NOX4: variants seen among roughly 807,000 people sequenced by gnomAD.
The protein encoded by NOX4 is kidney oxidase-1.
A neutral mutation model predicts 87.6 loss-of-function variants in NOX4; 69 were observed. The ratio of observed to expected loss-of-function variants is 0.79; its 90% confidence interval spans 0.65 to 0.96. NOX4 has a LOEUF of 0.96. Ranked by LOEUF, NOX4 falls within the 40% of genes least tolerant of loss-of-function variation. The probability of loss-of-function intolerance (pLI) is 0.00; values close to 1 mark genes in which losing one functional copy is unlikely to be tolerated. For missense variants in NOX4, 680 were observed against 681.5 expected, an observed-to-expected ratio of 1.00 and a Z score of 0.02; for synonymous variants, 275 against 238.2, an observed-to-expected ratio of 1.15 and a Z score of -1.42.
At chr11:89,363,860 A>G (rs551525499) in intron 12 of NOX4, among the ~76,000 whole-genome samples, 42 of 152,246 alleles carry the variant, frequency 2.8e-4, no homozygotes, top group African/African-American at 9.9e-4. Flanking sequence ...AATAGTAACA[A>G]TATAATAGTA....
intron 11 of NOX4, among the ~76,000 whole-genome samples, chr11:89,393,347 T>C (rs965892963): frequency 6.6e-6 from 1 of 152,122 alleles, no homozygotes; most frequent in African/African-American, 2.4e-5. Context: ...CTCTTTGTAA[T>C]TTCTAGACTG....
At chr11:89,448,919 T>C (rs1944828510) in intron 4 of NOX4, among the ~76,000 whole-genome samples, 1 of 152,112 alleles carries the variant, frequency 6.6e-6, no homozygotes, top group African/African-American at 2.4e-5. Context: ...GCATTTAAAC[T>C]CATATCACAT....
chr11:89,553,324 T>C, the NOX4 span, among the ~76,000 whole-genome samples: 25 of 152,264 alleles, frequency 1.6e-4, no homozygotes, highest in African/African-American at 5.5e-4. Context: ...TCACAGGATC[T>C]GGTTGTTTGA....
rs569280886 is a variant in NOX4 at position 89,438,495 on chromosome 11, T to C, written c.475+2193A>G. On this transcript the variant is annotated intron_variant, in intron 6 of 17. Transcript: ENST00000263317. ...TATATACTATATATACTATATAATA[T>C]ACAGCATATATATTATATACTATAT... Among the ~76,000 whole-genome samples, 536 of 79,668 alleles carry C rather than the reference T, an allele frequency of 6.7e-3. 29 individuals carry two copies. The highest frequency in any genetic ancestry group is 0.037 in the African/African-American group (499 of 13,650). 52.3% of individuals were successfully genotyped at this position (79,668 alleles called of 152,430 possible). A position where few individuals can be genotyped will look rare whatever the true frequency, so the allele number is the denominator to read the frequency against.
chr11:89,372,958 C>T lies in NOX4; in HGVS notation c.1135+474G>A, dbSNP rs116256553. Among the ~76,000 whole-genome samples the T allele has an allele frequency of 4.8e-3, 734 of 151,938 alleles. 9 individuals carry two copies. Among genetic ancestry groups the T allele is most frequent in the African/African-American group, 0.017 (702 of 41,498 alleles). Reference sequence around the variant, plus strand: ...TTACTGAAGACAAGTAAAGTATCACCAACAGGCCTGCTGTGAAAAATATCT... The same window carrying T: ...TTACTGAAGACAAGTAAAGTATCACTAACAGGCCTGCTGTGAAAAATATCT... On this transcript the variant is annotated intron_variant, in intron 12 of 17. Coordinates refer to ENST00000263317, the MANE Select transcript of NOX4 (RefSeq NM_016931.5).
intron 11 of NOX4, among the ~76,000 whole-genome samples, chr11:89,399,021 G>T (rs1033933450): frequency 9.2e-5 from 14 of 152,096 alleles, no homozygotes; most frequent in African/African-American, 3.1e-4. Context: ...TCAAACAGTA[G>T]AGAAAAGGAT....
At chr11:89,345,058 A>T (rs1247631140) in intron 13 of NOX4, among the ~76,000 whole-genome samples, 1 of 152,212 alleles carries the variant, frequency 6.6e-6, no homozygotes, top group Non-Finnish European at 1.5e-5. Context: ...TCATATCAAT[A>T]GAAACAATAA....
At chr11:89,438,931 AATATAATATATATTATTTTAT>A (rs1565294436) in intron 6 of NOX4, among the ~76,000 whole-genome samples, 57 of 57,134 alleles carry the variant, frequency 1.0e-3, no homozygotes, top group Middle Eastern at 0.017. Context: ...TATATATAAT[AATATAATATATATTATTTTAT>A]ATATAATAAT....
In NOX4 at chr11:89,450,603, G is replaced by T. The variant is rs191072583; in HGVS notation, c.265-1079C>A. On this transcript the variant is annotated intron_variant, in intron 3 of 17. Transcript: ENST00000263317. The stretch of plus-strand genomic sequence containing the variant: ...TATTATTATTATACTTTAAGTTTTA[G>T]GGTACATGTGCACAATGTGCAGGTT... Among the ~76,000 whole-genome samples the T allele has an allele frequency of 3.1e-3, 470 of 151,526 alleles. 2 individuals are homozygous for T. Among genetic ancestry groups the T allele is most frequent in the African/African-American group, 0.011 (448 of 41,310 alleles).
chr11:89,512,235 G>A, the NOX4 span, among the ~76,000 whole-genome samples: 9,286 of 152,004 alleles, frequency 0.061, 383 homozygotes, highest in Non-Finnish European at 0.087. Context: ...ATCCATCATT[G>A]CCAAAATTTG....
chr11:89,455,658 T>C lies in NOX4; in HGVS notation c.154-3763A>G, dbSNP rs1050238555. On this transcript the variant is annotated intron_variant, in intron 2 of 17. Transcript: ENST00000263317. ...ACTTTAAATTGCACAGCTTGCAGTA[T>C]CATGGAAAATATTATGAAGTGGTCA... 5.3e-5 allele frequency among the ~76,000 whole-genome samples: 8 copies of C among 151,378 alleles called. No individual in the cohort carries two copies. The East Asian group carries it at 1.2e-3, about 22-fold the overall frequency.
intron 2 of NOX4, among the ~76,000 whole-genome samples, chr11:89,479,364 G>A (rs1458817860): frequency 6.6e-6 from 1 of 152,052 alleles, no homozygotes; most frequent in African/African-American, 2.4e-5. Context: ...ACATTAATGA[G>A]ATTATTTGCA....
the NOX4 span, among the ~76,000 whole-genome samples, chr11:89,566,962 C>A: frequency 6.6e-6 from 1 of 152,130 alleles, no homozygotes; most frequent in African/African-American, 2.4e-5. Flanking sequence ...AAGTGTCAGC[C>A]TTTGGGGCTG....
upstream of NOX4, chr11:89,491,564 G>C: frequency 2.7e-6 from 1 of 364,864 alleles, no homozygotes. Context: ...CCTTTGTCTA[G>C]GGGCGAGCCT....
the NOX4 span, among the ~76,000 whole-genome samples, chr11:89,564,307 T>C: frequency 6.6e-6 from 1 of 151,940 alleles, no homozygotes; most frequent in East Asian, 1.9e-4. Flanking sequence ...ACAATCACGA[T>C]GGAGGGGTGA....
At chr11:89,466,888 G>A (rs1945719102) in intron 2 of NOX4, among the ~76,000 whole-genome samples, 1 of 152,042 alleles carries the variant, frequency 6.6e-6, no homozygotes. Flanking sequence ...CATCCATGCA[G>A]GGAAAAAAGC....
chr11:89,486,602 A>G (rs1946621563), intron 2 of NOX4, among the ~76,000 whole-genome samples: 1 of 86,630 alleles, frequency 1.2e-5, no homozygotes, highest in African/African-American at 6.6e-5. Flanking sequence ...GTATATATAC[A>G]TATATATGTG....
At chr11:89,509,607 G>A in the NOX4 span, among the ~76,000 whole-genome samples, 1 of 152,134 alleles carries the variant, frequency 6.6e-6, no homozygotes, top group African/African-American at 2.4e-5. Flanking sequence ...ATGACCTTTA[G>A]AATGGTATTT....
chr11:89,409,052 G>C (rs541383835), intron 8 of NOX4, among the ~76,000 whole-genome samples: 1 of 151,804 alleles, frequency 6.6e-6, no homozygotes, highest in South Asian at 2.1e-4. Flanking sequence ...CTGTTCCTCT[G>C]TACTTCACGG....
Sources: gnomAD v4.1 joint callset for allele counts (sites outside exome capture counted in the v4.1 genomes callset) on GRCh38, gnomAD v4.1.1 for gene constraint, MANE v1.5 for transcripts, NCBI Gene and HGNC (gene_info 2026-07-23, HGNC 2026-07-21) for gene names.